WSCD2: variants seen among roughly 807,000 people sequenced by gnomAD.
WSCD2 encodes the protein sialate:O-sulfotransferase 2.
In WSCD2, 28 loss-of-function variants were observed where a neutral mutation model predicts 55.7. The ratio of observed to expected loss-of-function variants is 0.50; its 90% CI spans 0.37 to 0.69. The LOEUF is 0.69. Ranked by LOEUF, WSCD2 falls within the 30% of genes least tolerant of loss-of-function variation. WSCD2 has a pLI of 0.00. For missense variants in WSCD2, 616 were observed against 762.1 expected (o/e 0.81, Z 2.26); for synonymous variants, 301 against 301.9 (o/e 1.00, Z 0.03).
At chr12:108,197,339 A>T (rs1884055467) in intron 2 of WSCD2, among the ~76,000 whole-genome samples, 2 of 152,174 alleles carry the variant, frequency 1.3e-5, no homozygotes. Flanking sequence ...ACCATCTAGA[A>T]GACTCTATCT....
intron 1 of WSCD2, among the ~76,000 whole-genome samples, chr12:108,158,914 T>G (rs1857641358): frequency 6.6e-6 from 1 of 152,246 alleles, no homozygotes; most frequent in Non-Finnish European, 1.5e-5. Context: ...GTGTCTTTGA[T>G]GCTTGTACCT....
At chr12:108,237,459 T>C (rs1593115660) in intron 7 of WSCD2, among the ~76,000 whole-genome samples, 1 of 152,240 alleles carries the variant, frequency 6.6e-6, no homozygotes, top group Non-Finnish European at 1.5e-5. Context: ...TGCTGGATCC[T>C]GGGTGTTAAG....
chr12:108,229,191 G>C (rs1219400050), intron 6 of WSCD2, among the ~76,000 whole-genome samples: 1 of 152,190 alleles, frequency 6.6e-6, no homozygotes, highest in African/African-American at 2.4e-5. Flanking sequence ...GGCCCACCAG[G>C]ACTGACATTT....
chr12:108,163,316 C>G (rs1263627330), intron 1 of WSCD2, among the ~76,000 whole-genome samples: 6 of 152,052 alleles, frequency 3.9e-5, no homozygotes, highest in African/African-American at 1.4e-4. Context: ...TTGCAGTGAG[C>G]AGAGATTGCA....
intron 6 of WSCD2, among the ~76,000 whole-genome samples, chr12:108,229,093 G>A (rs1006581857): frequency 2.6e-5 from 4 of 152,134 alleles, no homozygotes; most frequent in African/African-American, 4.8e-5. Context: ...GCCATTACTA[G>A]GGCTTCCATT....
intron 1 of WSCD2, among the ~76,000 whole-genome samples, chr12:108,141,920 C>T (rs558923865): frequency 6.6e-6 from 1 of 152,298 alleles, no homozygotes; most frequent in African/African-American, 2.4e-5. Context: ...TCCCCGTCAA[C>T]TTGAGATGGG....
chr12:108,144,987 G>C (rs1387150329), intron 1 of WSCD2, among the ~76,000 whole-genome samples: 1 of 152,172 alleles, frequency 6.6e-6, no homozygotes, highest in Admixed American at 6.5e-5. Flanking sequence ...CATTTCAAGG[G>C]AACCGGTTTA....
chr12:108,132,861 T>C (rs1239583065), intron 1 of WSCD2, among the ~76,000 whole-genome samples: 3 of 152,226 alleles, frequency 2.0e-5, no homozygotes, highest in Non-Finnish European at 4.4e-5. Context: ...ATTATGTATC[T>C]GCATGTTTTT....
rs1044589457 is a variant in WSCD2, at chr12:108,250,409, C to G, written c.*2066C>G. On this transcript the variant is annotated 3_prime_UTR_variant, in exon 9 of 9. Transcript: ENST00000547525. ...GTAAAATTGCCTTTGTGTTCTCCTG[C>G]CTTTCTATGTTTTGAAACTGTATCC... 6.6e-6 allele frequency: 1 copy of G among 152,222 alleles called. No homozygotes were observed. Among genetic ancestry groups the G allele is most frequent in the African/African-American group, 2.4e-5 (1 of 41,400 alleles). 9.4% of individuals were successfully genotyped at this position (152,222 alleles called of 1,614,324 possible).
rs757440277 is a variant in WSCD2 at position 108,210,356 on chromosome 12, C to T, written c.682+51C>T. 2 of 1,515,718 alleles carry T rather than the reference C, an allele frequency of 1.3e-6. No individual in the cohort carries two copies. Among genetic ancestry groups the T allele is most frequent in the African/African-American group, 1.4e-5 (1 of 73,040 alleles). 93.9% of individuals were successfully genotyped at this position (1,515,718 alleles called of 1,614,324 possible). ...CTGCTGCTCCTCCCTCAGCTGCAGC[C>T]CTTGCCCACCAAAGAGTCCCACATG... On this transcript the variant is annotated intron_variant, in intron 4 of 8. Coordinates refer to ENST00000547525, the MANE Select transcript of WSCD2 (RefSeq NM_014653.4). This position sits in a 1 kb window ranked among gnomAD's most constrained non-coding sequence, Gnocchi z 4.3.
At chr12:108,233,073 C>T in intron 7 of WSCD2, 178 bp downstream of exon 7, 6 of 754,848 alleles carry the variant, frequency 7.9e-6, no homozygotes, top group South Asian at 2.0e-5. Flanking sequence ...TTATGCCCCA[C>T]AAACATTTCT....
intron 8 of WSCD2, among the ~76,000 whole-genome samples, chr12:108,245,105 A>T (rs1018759397): frequency 6.6e-5 from 10 of 152,022 alleles, no homozygotes; most frequent in East Asian, 5.8e-4. Context: ...CAGTAGTGGG[A>T]TTGCTGAATT....
Position 108,195,860 on chromosome 12 carries a change from C to T in WSCD2, c.28C>T (p.Arg10Trp), listed in dbSNP as rs765731260. ...GGCCAAGCTCTGGTTCAAATTCCAG[C>T]GGTACTTCCGCCGGAAACCTGTGCG... MAKLWFKFQ[R>W]YFRRKPVRFF... Residue 10 changes from arginine (R) to tryptophan (W), a missense_variant, in exon 2 of 9, where the codon CGG becomes TGG. Arg to Trp is a moderately radical substitution (Grantham distance 101, BLOSUM62 -3). This residue lies in a region of WSCD2 where 374 missense variants were observed against 467.4 expected (regional missense o/e 0.80). Coordinates refer to ENST00000547525, the MANE Select transcript of WSCD2 (RefSeq NM_014653.4). 6.2e-6 allele frequency: 10 copies of T among 1,612,762 alleles called. No individual in the cohort carries two copies. The highest frequency in any genetic ancestry group is 1.6e-4 in the Middle Eastern group (1 of 6,074).
intron 1 of WSCD2, among the ~76,000 whole-genome samples, chr12:108,184,278 G>C (rs537199763): frequency 2.0e-5 from 3 of 152,156 alleles, no homozygotes; most frequent in Admixed American, 2.0e-4. Context: ...ACCTGTAGAG[G>C]TGGGCTGGGG....
rs1883830379 is a variant in WSCD2, at chr12:108,195,776, A to C, written c.-57A>C. 6.5e-7 allele frequency: 1 copy of C among 1,541,726 alleles called. No individual in the cohort carries two copies. Among genetic ancestry groups the C allele is most frequent in the Non-Finnish European group, 8.7e-7 (1 of 1,143,514 alleles). ...AAGCTTGGGAAACCAAGCCCCTTCC[A>C]TCCTCTCCCAAGCACCCCAGCCAAG... On this transcript the variant is annotated 5_prime_UTR_variant, in exon 2 of 9. Transcript: ENST00000547525.
At chr12:108,203,987 G>A (rs1162247740) in intron 2 of WSCD2, among the ~76,000 whole-genome samples, 6 of 152,302 alleles carry the variant, frequency 3.9e-5, no homozygotes, top group East Asian at 1.9e-4. Flanking sequence ...GAGGAAAAGC[G>A]GAAGTAACAT....
intron 1 of WSCD2, among the ~76,000 whole-genome samples, chr12:108,158,104 G>C (rs977871035): frequency 1.3e-5 from 2 of 152,144 alleles, no homozygotes; most frequent in Admixed American, 1.3e-4. Context: ...CTGAGGCTGT[G>C]AGCCCGGTTG....
At chr12:108,205,800 C>T (rs1481880281) in intron 2 of WSCD2, among the ~76,000 whole-genome samples, 1 of 152,152 alleles carries the variant, frequency 6.6e-6, no homozygotes, top group Non-Finnish European at 1.5e-5. Context: ...GGTTAACTGG[C>T]TTAAACTTTC....
intron 1 of WSCD2, among the ~76,000 whole-genome samples, chr12:108,130,425 C>T (rs1243495685): frequency 6.6e-6 from 1 of 151,716 alleles, no homozygotes; most frequent in East Asian, 1.9e-4. Context: ...GCTGCCCAGG[C>T]AATGGGCTTT....
Sources: gnomAD v4.1 joint callset for allele counts (sites outside exome capture counted in the v4.1 genomes callset) on GRCh38, gnomAD v4.1.1 for gene constraint, gnomAD v4.1.1 regional missense constraint, Gnocchi (gnomAD v3.1) non-coding constraint, MANE v1.5 for transcripts, NCBI Gene and HGNC (gene_info 2026-07-23, HGNC 2026-07-21) for gene names.